The following CFAP20DC variants were observed in gnomAD, a reference collection of about 807,000 sequenced individuals.
The protein encoded by CFAP20DC is protein CFAP20DC.
In CFAP20DC, 84 loss-of-function variants were observed where a neutral mutation model predicts 101.7. That is an observed-to-expected ratio of 0.83 (90% CI 0.69 to 0.99). CFAP20DC has a LOEUF of 0.99. Ranked by LOEUF, CFAP20DC falls within the 50% of genes least tolerant of loss-of-function variation. The probability of loss-of-function intolerance (pLI) is 0.00; values close to 1 mark genes in which losing one functional copy is unlikely to be tolerated. For missense variants in CFAP20DC, 1,007 were observed against 970.3 expected, an observed-to-expected ratio of 1.04 and a Z score of -0.50; for synonymous variants, 359 against 351.2, an observed-to-expected ratio of 1.02 and a Z score of -0.25.
At chr3:59,044,243 T>C (rs1205919663) in intron 3 of CFAP20DC, among the ~76,000 whole-genome samples, 1 of 152,154 alleles carries the variant, frequency 6.6e-6, no homozygotes, top group African/African-American at 2.4e-5. Flanking sequence ...TAAATGTTAA[T>C]TAAAAGCCAA....
chr3:58,948,633 T>G (rs1453052941), intron 4 of CFAP20DC, among the ~76,000 whole-genome samples: 2 of 152,214 alleles, frequency 1.3e-5, no homozygotes, highest in African/African-American at 4.8e-5. Flanking sequence ...ATCCCAGGGA[T>G]GAAGCCCACT....
At position 58,861,624 on chromosome 3, in the gene CFAP20DC, A is replaced by G. The variant is rs2108452642; in HGVS notation, c.1593+1934T>C. ...ATAGCCTAGCATTTTTGTTGGTCCT[A>G]TTTTTGTATCTTAGCTTGTATCTCG... On this transcript the variant is annotated intron_variant, in intron 12 of 16. Coordinates refer to ENST00000482387, the MANE Select transcript of CFAP20DC (RefSeq NM_001394063.1). This position sits in a 1 kb window ranked among gnomAD's most constrained non-coding sequence, Gnocchi z 4.0. 6 of 985,414 alleles carry G rather than the reference A, an allele frequency of 6.1e-6. No homozygotes were observed. The East Asian group carries it at 3.4e-4, about 56-fold the overall frequency. 61.0% of individuals were successfully genotyped at this position (985,414 alleles called of 1,614,324 possible). A position where few individuals can be genotyped will look rare whatever the true frequency, so the allele number is the denominator to read the frequency against.
intron 4 of CFAP20DC, among the ~76,000 whole-genome samples, chr3:58,986,348 T>C (rs376610924): frequency 9.2e-5 from 14 of 152,076 alleles, no homozygotes; most frequent in African/African-American, 3.4e-4. Context: ...CACAGACACA[T>C]AAAATTATAG....
chr3:59,022,712 A>G (rs1018839585), intron 4 of CFAP20DC, among the ~76,000 whole-genome samples: 1 of 152,090 alleles, frequency 6.6e-6, no homozygotes, highest in Non-Finnish European at 1.5e-5. Flanking sequence ...TTATTATAAT[A>G]TATTTTAAAT....
In CFAP20DC at chr3:58,848,747, C is replaced by G. The variant is rs180915947; in HGVS notation, c.1971+285G>C. On this transcript the variant is annotated intron_variant, in intron 13 of 16. Coordinates refer to ENST00000482387, the MANE Select transcript of CFAP20DC (RefSeq NM_001394063.1). ...ATTTATAATTTGCAGGCAGTGATAA[C>G]TACAAATTATGGGAAGTAACTAGAA... 1.2e-4 allele frequency among the ~76,000 whole-genome samples: 19 copies of G among 152,160 alleles called. 1 individual carries two copies. The highest frequency in any genetic ancestry group is 4.6e-4 in the African/African-American group (19 of 41,522).
chr3:58,811,860 A>G (rs2074666707), intron 14 of CFAP20DC, among the ~76,000 whole-genome samples: 1 of 152,068 alleles, frequency 6.6e-6, no homozygotes, highest in African/African-American at 2.4e-5. Flanking sequence ...AATTTACAAG[A>G]AAAAAAGAAA....
intron 3 of CFAP20DC, among the ~76,000 whole-genome samples, chr3:59,041,673 C>A (rs1033055928): frequency 1.3e-5 from 2 of 152,078 alleles, no homozygotes; most frequent in Non-Finnish European, 2.9e-5. Context: ...CAGCTTTTTA[C>A]AGTTTTATAA....
At chr3:58,741,313 G>A (rs17059779), downstream of CFAP20DC, among the ~76,000 whole-genome samples, 8,569 of 152,030 alleles carry the variant, frequency 0.056, 518 homozygotes, top group East Asian at 0.35. Context: ...CTTGTGATCC[G>A]GCAAGCAGAG....
intron 4 of CFAP20DC, among the ~76,000 whole-genome samples, chr3:59,000,767 G>A (rs1169231114): frequency 2.0e-5 from 3 of 152,144 alleles, no homozygotes; most frequent in Non-Finnish European, 4.4e-5. Flanking sequence ...TGAGAGTAGA[G>A]TGTGTTCCCC....
intron 4 of CFAP20DC, among the ~76,000 whole-genome samples, chr3:58,939,746 C>G (rs1017866155): frequency 1.3e-5 from 2 of 149,052 alleles, no homozygotes; most frequent in African/African-American, 5.0e-5. Context: ...GTGTGAGTCA[C>G]CGTGCCCGGC....
At chr3:58,746,426 A>G (rs2068210280) in intron 16 of CFAP20DC, among the ~76,000 whole-genome samples, 1 of 152,184 alleles carries the variant, frequency 6.6e-6, no homozygotes, top group Non-Finnish European at 1.5e-5. Flanking sequence ...CAAAAAAGAT[A>G]CATTTTTAAG....
chr3:58,995,775 C>T (rs2093102209), intron 4 of CFAP20DC, among the ~76,000 whole-genome samples: 1 of 152,122 alleles, frequency 6.6e-6, no homozygotes, highest in African/African-American at 2.4e-5. Context: ...CTCTCTCTGT[C>T]TTTTTAGTTG....
intron 6 of CFAP20DC, among the ~76,000 whole-genome samples, chr3:58,905,371 G>T (rs1421410949): frequency 6.6e-6 from 1 of 152,056 alleles, no homozygotes; most frequent in Non-Finnish European, 1.5e-5. Flanking sequence ...AACACAGAAT[G>T]ATATGAGTTA....
intron 13 of CFAP20DC, among the ~76,000 whole-genome samples, chr3:58,848,260 A>G (rs1305682058): frequency 2.6e-5 from 4 of 152,122 alleles, no homozygotes; most frequent in Non-Finnish European, 4.4e-5. Flanking sequence ...AATCATGAAT[A>G]TATCTACTAC....
intron 4 of CFAP20DC, among the ~76,000 whole-genome samples, chr3:58,995,608 A>G (rs1389506400): frequency 6.6e-6 from 1 of 152,102 alleles, no homozygotes; most frequent in Non-Finnish European, 1.5e-5. Flanking sequence ...ATTTGGTTAA[A>G]CATTATTTTG....
At chr3:58,828,869 C>T (rs2076214219) in intron 14 of CFAP20DC, among the ~76,000 whole-genome samples, 1 of 151,264 alleles carries the variant, frequency 6.6e-6, no homozygotes, top group South Asian at 2.1e-4. Context: ...AGGAAAAGTG[C>T]CAAGGCTGTG....
intron 4 of CFAP20DC, among the ~76,000 whole-genome samples, chr3:58,976,611 T>C (rs1002968940): frequency 5.3e-5 from 8 of 152,214 alleles, no homozygotes; most frequent in African/African-American, 1.7e-4. Context: ...AGAGGTCCTC[T>C]AATAACATCT....
At chr3:58,924,330 T>C (rs771493363) in intron 5 of CFAP20DC, among the ~76,000 whole-genome samples, 25 of 152,292 alleles carry the variant, frequency 1.6e-4, no homozygotes, top group South Asian at 4.1e-4. Context: ...TAAGAATGCA[T>C]GGTATTTGAT....
chr3:58,779,177 C>T (rs1013308984), intron 15 of CFAP20DC, among the ~76,000 whole-genome samples: 3 of 152,050 alleles, frequency 2.0e-5, no homozygotes, highest in Admixed American at 6.6e-5. Flanking sequence ...ATTAAAGATG[C>T]TCAATGAAAT....
Sources: allele counts gnomAD v4.1 joint callset (sites outside exome capture counted in the v4.1 genomes callset), GRCh38; gene constraint gnomAD v4.1.1; non-coding constraint Gnocchi (gnomAD v3.1); transcripts MANE v1.5; gene names NCBI Gene and HGNC (gene_info 2026-07-23, HGNC 2026-07-21).